The following SHANK2 variants were observed in gnomAD, a reference collection of about 807,000 sequenced individuals.
The protein encoded by SHANK2 is SH3 and multiple ankyrin repeat domains 2, also known as SH3 and multiple ankyrin repeat domains protein 2.
Under a neutral mutation model 133.7 loss-of-function variants are expected in SHANK2, and 43 were observed. The ratio of observed to expected loss-of-function variants is 0.32; its 90% confidence interval spans 0.25 to 0.41. The LOEUF is 0.41. Ranked by LOEUF, SHANK2 falls within the 10% of genes least tolerant of loss-of-function variation. The pLI is 1.00. For missense variants in SHANK2, 1,994 were observed against 2,235.8 expected (o/e 0.89, Z 2.18); for synonymous variants, 1,017 against 952.8 (o/e 1.07, Z -1.24).
At chr11:71,127,347 G>A (rs1555102894) in intron 3 of SHANK2, among the ~76,000 whole-genome samples, 1 of 152,208 alleles carries the variant, frequency 6.6e-6, no homozygotes, top group African/African-American at 2.4e-5. Flanking sequence ...AGTGGATAAA[G>A]CAGTGCAGGG....
intron 14 of SHANK2, among the ~76,000 whole-genome samples, chr11:70,780,053 G>A (rs1187741019): frequency 1.3e-5 from 2 of 152,158 alleles, no homozygotes; most frequent in Non-Finnish European, 2.9e-5. Context: ...TCCTGAGAGG[G>A]AGCTGCTCAA....
chr11:70,808,301 A>T (rs1555052464), intron 12 of SHANK2, among the ~76,000 whole-genome samples: 1 of 152,032 alleles, frequency 6.6e-6, no homozygotes, highest in Admixed American at 6.6e-5. Flanking sequence ...TCCCAGGTTC[A>T]AGCGATTCTC....
intron 11 of SHANK2, among the ~76,000 whole-genome samples, chr11:70,841,224 T>C (rs1171928621): frequency 2.6e-5 from 4 of 152,110 alleles, no homozygotes; most frequent in African/African-American, 9.7e-5. Flanking sequence ...TGAGCTGAGA[T>C]GGCACCACTG....
At position 70,804,756 on chromosome 11, in the gene SHANK2, G is replaced by A. The variant is rs1555051484; in HGVS notation, c.1663+2246C>T. The stretch of plus-strand genomic sequence containing the variant: ...GCTTCTGGGAATTAAGGTGTGAGAT[G>A]TGGATTCGCCTGCCATGTCCCAGGA... On this transcript the variant is annotated intron_variant, in intron 13 of 25. Transcript: ENST00000601538. This position sits in a 1 kb window ranked among gnomAD's most constrained non-coding sequence, Gnocchi z 4.1. Among the ~76,000 whole-genome samples the A allele has an allele frequency of 6.6e-6, 1 of 152,182 alleles. No individual in the cohort carries two copies. Among genetic ancestry groups the A allele is most frequent in the Admixed American group, 6.5e-5 (1 of 15,292 alleles).
intron 17 of SHANK2, among the ~76,000 whole-genome samples, chr11:70,524,645 A>G (rs1686221534): frequency 6.6e-6 from 1 of 152,186 alleles, no homozygotes; most frequent in South Asian, 2.1e-4. Context: ...CTTTCCAGAA[A>G]ACATCATGCT....
In SHANK2 at chr11:70,485,254, C is replaced by G; in HGVS notation, c.4979+60G>C. 6.7e-7 allele frequency: 1 copy of G among 1,484,930 alleles called. No individual in the cohort carries two copies. Among genetic ancestry groups the G allele is most frequent in the South Asian group, 1.1e-5 (1 of 88,522 alleles). 92.0% of individuals were successfully genotyped at this position (1,484,930 alleles called of 1,614,324 possible). On this transcript the variant is annotated intron_variant, in intron 25 of 25. Transcript: ENST00000601538. This position sits in a 1 kb window ranked among gnomAD's most constrained non-coding sequence, Gnocchi z 5.8. ...CTGGGGCTGCTACCCGAGGGCCTTT[C>G]CTGGTCAGCAGGGACAGTGCACGCA...
intron 15 of SHANK2, among the ~76,000 whole-genome samples, chr11:70,692,636 G>C (rs1945314736): frequency 6.6e-6 from 1 of 152,226 alleles, no homozygotes; most frequent in South Asian, 2.1e-4. Context: ...CTAGGGAGAA[G>C]AACTTGGGGA....
At chr11:70,950,633 G>A (rs927991111) in intron 10 of SHANK2, among the ~76,000 whole-genome samples, 2 of 151,248 alleles carry the variant, frequency 1.3e-5, no homozygotes. Flanking sequence ...TCTCAGACAG[G>A]ATCTCGCTCT....
chr11:71,130,400 T>G (rs1290321614), intron 3 of SHANK2, among the ~76,000 whole-genome samples: 24 of 152,234 alleles, frequency 1.6e-4, no homozygotes, highest in African/African-American at 5.5e-4. Flanking sequence ...TTTACAGCAA[T>G]GTAGCAAGAA....
At chr11:70,734,653 C>G (rs1248485556) in intron 14 of SHANK2, among the ~76,000 whole-genome samples, 1 of 152,252 alleles carries the variant, frequency 6.6e-6, no homozygotes, top group Non-Finnish European at 1.5e-5. Flanking sequence ...CAGCCAGAGG[C>G]TGCCCTGGCC....
At chr11:70,840,289 C>T (rs537098001) in intron 11 of SHANK2, among the ~76,000 whole-genome samples, 1 of 152,234 alleles carries the variant, frequency 6.6e-6, no homozygotes, top group Non-Finnish European at 1.5e-5. Context: ...ACCTGGCACA[C>T]TACAGAGCAT....
chr11:71,078,085 C>T (rs1951245059), intron 8 of SHANK2, among the ~76,000 whole-genome samples: 1 of 151,722 alleles, frequency 6.6e-6, no homozygotes, highest in African/African-American at 2.4e-5. Context: ...AAGAATCAGG[C>T]TCCTTGGAGA....
chr11:70,821,518 C>G (rs1271508107), intron 11 of SHANK2, among the ~76,000 whole-genome samples: 1 of 152,142 alleles, frequency 6.6e-6, no homozygotes, highest in Non-Finnish European at 1.5e-5. Context: ...CTCCGCCTCC[C>G]AGGCTCAAAC....
chr11:70,921,115 G>A (rs185564011), intron 10 of SHANK2, among the ~76,000 whole-genome samples: 85 of 152,248 alleles, frequency 5.6e-4, no homozygotes, highest in Non-Finnish European at 1.1e-3. Flanking sequence ...GGAAATGGTC[G>A]GAATCAGCCT....
chr11:70,662,389 C>G (rs1286211572), intron 15 of SHANK2, among the ~76,000 whole-genome samples: 1 of 152,172 alleles, frequency 6.6e-6, no homozygotes, highest in Non-Finnish European at 1.5e-5. Flanking sequence ...TCATCCCGCG[C>G]GAGCATCCGC....
chr11:70,526,999 G>A (rs899636752), intron 17 of SHANK2, among the ~76,000 whole-genome samples: 1 of 151,878 alleles, frequency 6.6e-6, no homozygotes, highest in Admixed American at 6.6e-5. Context: ...CTGACCAGAC[G>A]CTCCCAGTCC....
chr11:70,755,739 C>T (rs150199289), intron 14 of SHANK2, among the ~76,000 whole-genome samples: 2,759 of 152,318 alleles, frequency 0.018, 35 homozygotes, highest in Non-Finnish European at 0.028. Context: ...AGTGAGTCCG[C>T]TCCTACCAGG....
At position 70,707,617 on chromosome 11, in the gene SHANK2, C is replaced by T. The variant is rs534481401; in HGVS notation, c.1778-8854G>A. ...CAACCCCAAGCAGCAAACCATCTCC[C>T]TCCAAGCCTCAGTTTTCTCAACTGT... is the stretch of plus-strand genomic sequence containing the variant. On this transcript the variant is annotated intron_variant, in intron 14 of 25. Coordinates refer to ENST00000601538, the MANE Select transcript of SHANK2 (RefSeq NM_012309.5). Among the ~76,000 whole-genome samples the T allele has an allele frequency of 3.3e-5, 5 of 152,264 alleles. No homozygotes were observed. The South Asian group carries it at 1.0e-3, about 32-fold the overall frequency.
At chr11:71,094,019 C>A (rs1951562515) in intron 7 of SHANK2, among the ~76,000 whole-genome samples, 2 of 152,106 alleles carry the variant, frequency 1.3e-5, no homozygotes, top group Non-Finnish European at 2.9e-5. Flanking sequence ...GAACCCACAA[C>A]AGGGCAGGCT....
Sources: allele counts gnomAD v4.1 joint callset (sites outside exome capture counted in the v4.1 genomes callset), GRCh38; gene constraint gnomAD v4.1.1; non-coding constraint Gnocchi (gnomAD v3.1); transcripts MANE v1.5; gene names NCBI Gene and HGNC (gene_info 2026-07-23, HGNC 2026-07-21).